The following CSDE1 variants were observed in gnomAD, a reference collection of about 807,000 sequenced individuals.
CSDE1 encodes cold shock domain-containing protein E1.
In CSDE1, 17 loss-of-function variants were observed where a neutral mutation model predicts 89.3. That is an observed-to-expected ratio of 0.19 (90% CI 0.13 to 0.29). CSDE1 has a LOEUF of 0.29. CSDE1 is among the 10% of genes least tolerant of loss of function. CSDE1 has a pLI of 1.00. For missense variants in CSDE1, 672 were observed against 984.2 expected (o/e 0.68, Z 4.24); for synonymous variants, 322 against 332.8 (o/e 0.97, Z 0.35).
intron 1 of CSDE1, among the ~76,000 whole-genome samples, chr1:114,755,225 G>A (rs1250482451): frequency 6.6e-6 from 1 of 152,234 alleles, no homozygotes; most frequent in African/African-American, 2.4e-5. Flanking sequence ...ATGTTCCACA[G>A]AGTAGGTATA....
At chr1:114,729,776 T>C (rs905760111) in intron 12 of CSDE1, among the ~76,000 whole-genome samples, 13 of 152,234 alleles carry the variant, frequency 8.5e-5, no homozygotes, top group African/African-American at 3.1e-4. Context: ...GGAGAATTCA[T>C]CTCAGACATC....
intron 2 of CSDE1, among the ~76,000 whole-genome samples, chr1:114,746,359 C>T (rs1053324070): frequency 1.3e-5 from 2 of 152,116 alleles, no homozygotes; most frequent in Non-Finnish European, 2.9e-5. Flanking sequence ...CTTCACAAAT[C>T]ACATTAGCGA....
At chr1:114,741,231 A>G (rs1660709776) in intron 2 of CSDE1, among the ~76,000 whole-genome samples, 1 of 152,336 alleles carries the variant, frequency 6.6e-6, no homozygotes, top group Admixed American at 6.5e-5. Flanking sequence ...GCTGTAAACC[A>G]GGGCTTCTCA....
Position 114,737,523 on chromosome 1 carries a change from G to A in CSDE1, c.350C>T (p.Pro117Leu). The A allele has an allele frequency of 6.2e-7, 1 of 1,613,916 alleles. No homozygotes were observed. Among genetic ancestry groups the A allele is most frequent in the Non-Finnish European group, 8.5e-7 (1 of 1,179,980 alleles). Residue 117 changes from proline to leucine, a missense_variant, in exon 5 of 20, where the codon CCA becomes CTA. Pro to Leu is a moderately conservative substitution (Grantham distance 98). Transcript: ENST00000358528. The part of the protein sequence containing the change: ...AVPHNLESKS[P>L]AAPGQSPTGS... ...TGTTGGACTCTGACCCGGGGCAGCT[G>A]GAGATTTACTCTCTAAGTTGTGAGG...
intron 5 of CSDE1, 92 bp from the exon 6 acceptor site, chr1:114,736,947 A>G: frequency 1.1e-6 from 1 of 887,848 alleles, no homozygotes; most frequent in Non-Finnish European, 1.7e-6. Context: ...TTATACTGGC[A>G]TTTTAAGCCA....
chr1:114,748,107 A>AT (rs2101079535), intron 2 of CSDE1, among the ~76,000 whole-genome samples: 1 of 152,366 alleles, frequency 6.6e-6, no homozygotes, highest in African/African-American at 2.4e-5. Context: ...TTGTTAAGGA[A>AT]TAATTCTAGT....
At chr1:114,737,585 A>AT in intron 4 of CSDE1, 22 bp from the exon 5 acceptor site, 1 of 1,513,044 alleles carries the variant, frequency 6.6e-7, no homozygotes, top group Non-Finnish European at 9.2e-7. Flanking sequence ...AAAAAAAAAA[A>AT]TTTCCATTGC....
In CSDE1 at chr1:114,734,034, G is replaced by T; in HGVS notation, c.666C>A (p.Thr222=). 1 of 1,613,302 alleles carries T rather than the reference G, an allele frequency of 6.2e-7. No individual in the cohort carries two copies. Among genetic ancestry groups the T allele is most frequent in the Non-Finnish European group, 8.5e-7 (1 of 1,179,914 alleles). ...ATTCCACATCATCGCCAGGCTGTAA[G>T]GTTTCTAAGTCACCCTTAAATTCAC... is the stretch of plus-strand genomic sequence containing the variant. The part of the protein sequence containing the change: ...HYSEFKGDLE[T]LQPGDDVEFT... Residue 222 remains threonine (T), a synonymous_variant, in exon 8 of 20, where the codon ACC becomes ACA. Transcript: ENST00000358528.
At position 114,727,005 on chromosome 1, in the gene CSDE1, G is replaced by T. The variant is rs758329518; in HGVS notation, c.1442C>A (p.Thr481Asn). The T allele has an allele frequency of 2.5e-6, 4 of 1,612,552 alleles. No individual in the cohort carries two copies. The highest frequency in any genetic ancestry group is 4.5e-5 in the East Asian group (2 of 44,826). Reference sequence around the variant, plus strand: ...TGCCTTATCTCCTATTTGAGGAGAAGTAGATCCTTCCACATCCTTGGCTTG... The same window carrying T: ...TGCCTTATCTCCTATTTGAGGAGAATTAGATCCTTCCACATCCTTGGCTTG... ...AFQAKDVEGS[T>N]SPQIGDKVEF... The change falls in exon 13 of 20, where the codon ACT becomes AAT. Residue 481 changes from threonine (T) to asparagine (N), a missense_variant. Transcript: ENST00000358528.
chr1:114,724,100 T>C, intron 15 of CSDE1, 98 bp from the exon 16 acceptor site: 1 of 1,361,848 alleles, frequency 7.3e-7, no homozygotes, highest in South Asian at 1.4e-5. Flanking sequence ...GTTAACAGGG[T>C]AGGTTGGCTG....
At chr1:114,723,588 A>T (rs1659640725) in intron 16 of CSDE1, among the ~76,000 whole-genome samples, 1 of 151,876 alleles carries the variant, frequency 6.6e-6, no homozygotes, top group South Asian at 2.1e-4. Context: ...TCATACACTC[A>T]ACAGTAAAAG....
chr1:114,744,383 C>A (rs1180276344), intron 2 of CSDE1, among the ~76,000 whole-genome samples: 1 of 152,070 alleles, frequency 6.6e-6, no homozygotes, highest in Non-Finnish European at 1.5e-5. Context: ...GAATTTGAGA[C>A]CAGCCTAGGC....
In CSDE1 at chr1:114,742,818, T is replaced by TA. The variant is rs552412195; in HGVS notation, c.1-2929dup. 1.8e-4 allele frequency among the ~76,000 whole-genome samples: 28 copies of TA among 152,316 alleles called. No homozygotes were observed. The South Asian group carries it at 5.6e-3, about 30-fold the overall frequency. ...TTAGTTGCAATACAACACACAAATG[T>TA]AGATTTCCCTGATACTAATTCATGA... On this transcript the variant is annotated intron_variant, in intron 2 of 19. Transcript: ENST00000358528.
In CSDE1 at chr1:114,723,891, A is replaced by C; in HGVS notation, c.1865T>G (p.Val622Gly). The C allele has an allele frequency of 6.2e-7, 1 of 1,614,026 alleles. No homozygotes were observed. The highest frequency in any genetic ancestry group is 8.5e-7 in the Non-Finnish European group (1 of 1,179,906). Residue 622 changes from valine to glycine, a missense_variant, in exon 16 of 20, where the codon GTG becomes GGG. This residue lies in a region of CSDE1 where 206 missense variants were observed against 332.4 expected (regional missense o/e 0.62). Transcript: ENST00000358528. ...ATAGTGATGATCCTTACCCTCCTCC[A>C]CAATCTCAATCATTCCTTGGTACTC... ...QTEYQGMIEI[V>G]EEGDMKGEVY...
At position 114,730,334 on chromosome 1, in the gene CSDE1, C is replaced by T. The variant is rs763264252; in HGVS notation, c.1280G>A (p.Arg427His). 2.1e-5 allele frequency: 34 copies of T among 1,613,934 alleles called. No homozygotes were observed. Among genetic ancestry groups the T allele is most frequent in the African/African-American group, 1.1e-4 (8 of 74,886 alleles). ...TTCTTTTTCTACCGTGCCCAGAAAACGGTGATCTGAATGGGAATGAAATGA... is the reference window on the plus strand; with the variant it reads ...TTCTTTTTCTACCGTGCCCAGAAAATGGTGATCTGAATGGGAATGAAATGA... ...TVSFHSHSDHRFLGTVEKEAT... is the reference protein window; with the variant it reads ...TVSFHSHSDHHFLGTVEKEAT... Residue 427 changes from arginine (R) to histidine (H), a missense_variant, in exon 12 of 20, where the codon CGT becomes CAT. Physicochemically the swap from Arg to His is conservative, Grantham distance 29. Transcript: ENST00000358528.
At chr1:114,722,026 C>G (rs544789033) in intron 16 of CSDE1, among the ~76,000 whole-genome samples, 1 of 151,772 alleles carries the variant, frequency 6.6e-6, no homozygotes, top group African/African-American at 2.4e-5. Context: ...GGATTATAGG[C>G]ACCCACCATG....
intron 2 of CSDE1, among the ~76,000 whole-genome samples, chr1:114,748,762 A>G (rs932664345): frequency 1.3e-5 from 2 of 152,160 alleles, no homozygotes; most frequent in African/African-American, 4.8e-5. Flanking sequence ...CTTATACTTG[A>G]TCCACTGCTT....
chr1:114,729,468 T>A (rs1300236437), intron 12 of CSDE1, among the ~76,000 whole-genome samples: 1 of 150,162 alleles, frequency 6.7e-6, no homozygotes, highest in Non-Finnish European at 1.5e-5. Flanking sequence ...TTTTTCATCC[T>A]TATTTCTCCT....
intron 14 of CSDE1, 76 bp from the exon 15 acceptor site, chr1:114,725,409 G>A: frequency 8.9e-7 from 1 of 1,118,314 alleles, no homozygotes; most frequent in Non-Finnish European, 1.4e-6. Flanking sequence ...TTATTTTACA[G>A]TAACAGTCAT....
Sources: allele counts gnomAD v4.1 joint callset (sites outside exome capture counted in the v4.1 genomes callset), GRCh38; gene constraint gnomAD v4.1.1; regional missense constraint gnomAD v4.1.1; transcripts MANE v1.5; gene names NCBI Gene and HGNC (gene_info 2026-07-23, HGNC 2026-07-21).